Variants in NFIA observed in about 807,000 individuals in gnomAD.
NFIA encodes nuclear factor I A.
NFIA carries 8 observed loss-of-function variants against 62.8 expected under a neutral mutation model. That is an observed-to-expected ratio of 0.13 (90% confidence interval 0.07 to 0.23). The LOEUF (loss-of-function observed/expected upper bound fraction) is 0.23, where lower values mean the gene tolerates loss of function less well. NFIA is among the 10% of genes least tolerant of loss of function. The pLI is 1.00. For missense variants in NFIA, 410 were observed against 642.1 expected (o/e 0.64, Z 3.91); for synonymous variants, 235 against 238.1 (o/e 0.99, Z 0.12).
intron 3 of NFIA, among the ~76,000 whole-genome samples, chr1:61,328,546 C>T (rs907411794): frequency 1.3e-5 from 2 of 151,556 alleles, no homozygotes; most frequent in Non-Finnish European, 2.9e-5. Flanking sequence ...TCAGCCCTCC[C>T]GAGTAGCTGG....
chr1:61,403,266 A>G (rs1002807088), intron 7 of NFIA, among the ~76,000 whole-genome samples: 1 of 152,192 alleles, frequency 6.6e-6, no homozygotes. Context: ...AGCCAGTTTT[A>G]TCAATCATCC....
chr1:61,425,766 G>GGTTCCAGAGTGATATCTTAGTGAA (rs1666837353), intron 9 of NFIA, among the ~76,000 whole-genome samples: 5 of 152,294 alleles, frequency 3.3e-5, no homozygotes, highest in African/African-American at 1.2e-4. Flanking sequence ...ACTGAAGTGT[G>GGTTCCAGAGTGATATCTTAGTGAA]GTACCTGAGG....
intron 2 of NFIA, among the ~76,000 whole-genome samples, chr1:61,162,060 A>G (rs1260889610): frequency 1.3e-5 from 2 of 152,240 alleles, no homozygotes; most frequent in Non-Finnish European, 1.5e-5. Flanking sequence ...TATTATTTAA[A>G]TAGGAATGTT....
chr1:61,419,420 A>G (rs903054156), intron 9 of NFIA, among the ~76,000 whole-genome samples: 2 of 152,192 alleles, frequency 1.3e-5, no homozygotes, highest in Non-Finnish European at 2.9e-5. Context: ...CCTGGGTGAC[A>G]GAATAAGACC....
At chr1:61,122,556 G>C (rs909021829) in intron 2 of NFIA, among the ~76,000 whole-genome samples, 6 of 152,120 alleles carry the variant, frequency 3.9e-5, no homozygotes, top group African/African-American at 1.4e-4. Context: ...CCAAACAAAG[G>C]AGTTGCAAAA....
intron 2 of NFIA, among the ~76,000 whole-genome samples, chr1:61,197,341 C>T (rs541107524): frequency 4.6e-4 from 67 of 146,722 alleles, no homozygotes; most frequent in African/African-American, 1.4e-3. Flanking sequence ...TGGGTTCAAG[C>T]GATTCTTCTG....
At chr1:61,225,553 C>A (rs1215618663) in intron 2 of NFIA, among the ~76,000 whole-genome samples, 1 of 122,578 alleles carries the variant, frequency 8.2e-6, no homozygotes, top group Non-Finnish European at 1.7e-5. Context: ...CCAGCTCGTA[C>A]TTTTTTTTTT....
At chr1:61,258,553 G>A (rs957312820) in intron 2 of NFIA, among the ~76,000 whole-genome samples, 2 of 152,116 alleles carry the variant, frequency 1.3e-5, no homozygotes, top group African/African-American at 4.8e-5. Context: ...GTACTGAAGT[G>A]TTCTTTGCTG....
In NFIA at chr1:61,406,543, GCCCCCCCC is replaced by G; in HGVS notation, c.1255-12_1255-5del. On this transcript the variant is annotated splice_polypyrimidine_tract_variant and intron_variant, in intron 8 of 10. Transcript: ENST00000403491. ...TCTTTTTCTTGTACGTGTGTTTTCT[GCCCCCCCC>G]CCCCCCACAGCCCAATGGGAGCAGC... The G allele has an allele frequency of 8.0e-6, 7 of 876,640 alleles. No homozygotes were observed. Among genetic ancestry groups the G allele is most frequent in the Non-Finnish European group, 1.1e-5 (7 of 653,730 alleles). The allele number at this position is 876,640 out of a possible 1,614,324, so 54.3% of individuals were successfully genotyped here.
At chr1:61,126,521 T>C (rs1646974293) in intron 2 of NFIA, among the ~76,000 whole-genome samples, 1 of 151,184 alleles carries the variant, frequency 6.6e-6, no homozygotes, top group Non-Finnish European at 1.5e-5. Context: ...TTTCAACATA[T>C]GGAGTTCTTT....
At chr1:61,130,983 C>G (rs1265810800) in intron 2 of NFIA, among the ~76,000 whole-genome samples, 1 of 152,114 alleles carries the variant, frequency 6.6e-6, no homozygotes, top group Non-Finnish European at 1.5e-5. Context: ...TTCTGGTCAT[C>G]AATCTAGTCT....
chr1:61,331,967 A>G lies in NFIA; in HGVS notation c.626-545A>G, dbSNP rs1661323729. The stretch of plus-strand genomic sequence containing the variant: ...TAATCTGAATTTTTATTTGTGCTCA[A>G]AAGAATTTGTTTTCCTGTTTTGTGA... On this transcript the variant is annotated intron_variant, in intron 3 of 10. Transcript: ENST00000403491. Among the ~76,000 whole-genome samples, 5 of 152,262 alleles carry G rather than the reference A, an allele frequency of 3.3e-5. No homozygotes were observed. In the South Asian group the frequency reaches 1.0e-3, roughly 32 times the overall value.
At chr1:61,359,370 T>C (rs548124869) in intron 6 of NFIA, 96 bp downstream of exon 6, 2 of 1,538,444 alleles carry the variant, frequency 1.3e-6, no homozygotes, top group Non-Finnish European at 8.8e-7. Flanking sequence ...GAAAGAAAGC[T>C]CAAGGTAGTT....
At chr1:61,101,202 C>T (rs1443802370) in intron 2 of NFIA, among the ~76,000 whole-genome samples, 1 of 151,846 alleles carries the variant, frequency 6.6e-6, no homozygotes, top group Non-Finnish European at 1.5e-5. Context: ...TCGAGATCAG[C>T]CTGACAAATA....
At chr1:61,261,172 T>C (rs1198972740) in intron 2 of NFIA, among the ~76,000 whole-genome samples, 1 of 152,210 alleles carries the variant, frequency 6.6e-6, no homozygotes, top group East Asian at 1.9e-4. Flanking sequence ...CAGTTGATTC[T>C]GAATCCCAGG....
upstream of NFIA, among the ~76,000 whole-genome samples, chr1:61,078,282 C>CG (rs1427908480): frequency 6.6e-6 from 1 of 151,562 alleles, no homozygotes; most frequent in Non-Finnish European, 1.5e-5. Flanking sequence ...AAAAGCTGAT[C>CG]GGGGGAGTTT....
At chr1:61,273,696 T>C (rs966573582) in intron 2 of NFIA, among the ~76,000 whole-genome samples, 2 of 152,184 alleles carry the variant, frequency 1.3e-5, no homozygotes, top group African/African-American at 2.4e-5. Flanking sequence ...CTCCTTTCTT[T>C]AGAAGCTGAC....
At chr1:61,280,763 G>A (rs1379662256) in intron 3 of NFIA, among the ~76,000 whole-genome samples, 1 of 152,196 alleles carries the variant, frequency 6.6e-6, no homozygotes, top group East Asian at 1.9e-4. Flanking sequence ...CATTAGATGG[G>A]AATTTTGAAG....
At chr1:61,442,193 G>A (rs912792012) in intron 10 of NFIA, among the ~76,000 whole-genome samples, 12 of 152,026 alleles carry the variant, frequency 7.9e-5, no homozygotes, top group Non-Finnish European at 1.6e-4. Context: ...GGAGAGAAGC[G>A]TTACTCCTCC....
Sources: gnomAD v4.1 joint callset for allele counts (sites outside exome capture counted in the v4.1 genomes callset) on GRCh38, gnomAD v4.1.1 for gene constraint, MANE v1.5 for transcripts, NCBI Gene and HGNC (gene_info 2026-07-23, HGNC 2026-07-21) for gene names.